Variants in PRELID2 observed in about 807,000 individuals in gnomAD.
PRELID2 encodes the protein PRELI domain containing 2.
Under a neutral mutation model 28.4 loss-of-function variants are expected in PRELID2, and 25 were observed. The ratio of observed to expected loss-of-function variants is 0.88; its 90% CI spans 0.64 to 1.23. The LOEUF (loss-of-function observed/expected upper bound fraction) is 1.23. Among genes scored for constraint, PRELID2 ranks in the 50% most tolerant of loss-of-function variants. The pLI is 0.00. For synonymous variants in PRELID2, 76 were observed against 71.6 expected (o/e 1.06, Z -0.31); for missense variants, 201 against 214.4 (o/e 0.94, Z 0.39).
intron 1 of PRELID2, among the ~76,000 whole-genome samples, chr5:145,512,259 A>G (rs910778989): frequency 2.0e-5 from 3 of 152,158 alleles, no homozygotes; most frequent in Non-Finnish European, 4.4e-5. Context: ...TACCCAGTTA[A>G]TCTAATTGGG....
chr5:145,468,696 G>T (rs1016933416), downstream of PRELID2, among the ~76,000 whole-genome samples: 3 of 152,066 alleles, frequency 2.0e-5, no homozygotes, highest in African/African-American at 7.2e-5. Context: ...TCATGTGTCT[G>T]TTGGCTGCAT....
intron 1 of PRELID2, among the ~76,000 whole-genome samples, chr5:145,652,515 C>G (rs1016214084): frequency 6.6e-6 from 1 of 152,156 alleles, no homozygotes; most frequent in Admixed American, 6.5e-5. Context: ...GTCGGGTTAC[C>G]CACAAGGGGA....
chr5:145,537,610 T>C (rs1752710649), intron 1 of PRELID2, among the ~76,000 whole-genome samples: 1 of 151,882 alleles, frequency 6.6e-6, no homozygotes, highest in African/African-American at 2.4e-5. Context: ...GTCATTTGTG[T>C]TGTCTTGTTT....
At chr5:145,805,394 T>G (rs1247178493) in intron 4 of PRELID2, among the ~76,000 whole-genome samples, 1 of 152,226 alleles carries the variant, frequency 6.6e-6, no homozygotes, top group Non-Finnish European at 1.5e-5. Flanking sequence ...GGCTGCCAGC[T>G]GTATGTATGC....
chr5:145,703,717 ATATAGT>A (rs1755470490), intron 1 of PRELID2, among the ~76,000 whole-genome samples: 3 of 152,176 alleles, frequency 2.0e-5, no homozygotes, highest in Admixed American at 2.0e-4. Flanking sequence ...GATGTTCAAG[ATATAGT>A]TAGAGGGAGA....
intron 1 of PRELID2, among the ~76,000 whole-genome samples, chr5:145,518,079 A>T (rs1385199701): frequency 1.3e-5 from 2 of 151,752 alleles, no homozygotes; most frequent in East Asian, 3.9e-4. Flanking sequence ...ACCATGGCAC[A>T]TGTATCCCTA....
intron 1 of PRELID2, among the ~76,000 whole-genome samples, chr5:145,586,685 T>G (rs1279276138): frequency 6.6e-6 from 1 of 152,116 alleles, no homozygotes; most frequent in Non-Finnish European, 1.5e-5. Flanking sequence ...AGTCCCCATA[T>G]ATCCGACATC....
chr5:145,604,623 T>C (rs1753469097), intron 1 of PRELID2, among the ~76,000 whole-genome samples: 1 of 151,774 alleles, frequency 6.6e-6, no homozygotes, highest in Non-Finnish European at 1.5e-5. Flanking sequence ...GGTCAAGTGG[T>C]AGTTCTAAGT....
the PRELID2 span, among the ~76,000 whole-genome samples, chr5:145,297,645 AG>A: frequency 6.6e-6 from 1 of 151,756 alleles, no homozygotes; most frequent in Admixed American, 6.6e-5. Flanking sequence ...AAGGAAATAA[AG>A]GGTATTCAAT....
At chr5:145,260,817 A>G in the PRELID2 span, among the ~76,000 whole-genome samples, 1 of 152,142 alleles carries the variant, frequency 6.6e-6, no homozygotes, top group Admixed American at 6.5e-5. Flanking sequence ...GAATCTACAG[A>G]CTCTTTGAAG....
intron 1 of PRELID2, among the ~76,000 whole-genome samples, chr5:145,727,730 A>C (rs1297758065): frequency 6.6e-6 from 1 of 152,208 alleles, no homozygotes; most frequent in East Asian, 1.9e-4. Flanking sequence ...TCTCAGTTAC[A>C]ATACAAATAG....
the PRELID2 span, among the ~76,000 whole-genome samples, chr5:145,408,989 C>T: frequency 1.3e-5 from 2 of 151,910 alleles, no homozygotes; most frequent in African/African-American, 4.8e-5. Context: ...GTAACCTATA[C>T]AGAAAAACCT....
intron 1 of PRELID2, among the ~76,000 whole-genome samples, chr5:145,646,655 T>C (rs961432103): frequency 3.3e-5 from 5 of 152,232 alleles, no homozygotes; most frequent in African/African-American, 1.2e-4. Flanking sequence ...CACTAGTTTC[T>C]CCCCATCTTT....
At chr5:145,246,517 C>T in the PRELID2 span, among the ~76,000 whole-genome samples, 1 of 152,048 alleles carries the variant, frequency 6.6e-6, no homozygotes, top group Non-Finnish European at 1.5e-5. Context: ...GAGAAAGCCT[C>T]TCTGGGGAAA....
chr5:145,673,660 G>T (rs530605504), intron 1 of PRELID2, among the ~76,000 whole-genome samples: 2 of 150,886 alleles, frequency 1.3e-5, no homozygotes, highest in African/African-American at 2.4e-5. Flanking sequence ...TTTTTGATTT[G>T]CTAGCAAACC....
chr5:145,434,089 C>T, the PRELID2 span, among the ~76,000 whole-genome samples: 9 of 152,132 alleles, frequency 5.9e-5, no homozygotes, highest in African/African-American at 1.2e-4. Context: ...AGAACCATTG[C>T]CATGCTGCTT....
At chr5:145,342,581 T>A in the PRELID2 span, among the ~76,000 whole-genome samples, 1 of 152,124 alleles carries the variant, frequency 6.6e-6, no homozygotes, top group African/African-American at 2.4e-5. Context: ...TTTAGCTATA[T>A]GCTGCTTGAT....
At chr5:145,684,905 C>A (rs951832030) in intron 1 of PRELID2, among the ~76,000 whole-genome samples, 2 of 152,174 alleles carry the variant, frequency 1.3e-5, no homozygotes, top group Non-Finnish European at 2.9e-5. Flanking sequence ...TTAGGAAAAA[C>A]TGAAGATGGA....
At chr5:145,600,309 T>C (rs1753371090) in intron 1 of PRELID2, among the ~76,000 whole-genome samples, 1 of 151,696 alleles carries the variant, frequency 6.6e-6, no homozygotes, top group South Asian at 2.1e-4. Context: ...GAGTAAAATC[T>C]TTTTATTGCA....
Sources: allele counts gnomAD v4.1 joint callset (sites outside exome capture counted in the v4.1 genomes callset), GRCh38; gene constraint gnomAD v4.1.1; transcripts MANE v1.5; gene names NCBI Gene and HGNC (gene_info 2026-07-23, HGNC 2026-07-21).